RORA: variants seen among roughly 807,000 people sequenced by gnomAD.
RORA encodes nuclear receptor ROR-alpha.
RORA carries 7 observed loss-of-function variants against 69.5 expected under a neutral mutation model. The observed-to-expected ratio is 0.10, with a 90% confidence interval of 0.06 to 0.19. RORA has a LOEUF of 0.19. Among genes scored for constraint, RORA ranks in the 10% least tolerant of loss-of-function variants. The pLI, the probability that RORA is intolerant of heterozygous loss-of-function variation, is 1.00. For synonymous variants in RORA, 261 were observed against 240.8 expected (o/e 1.08, Z -0.78); for missense variants, 457 against 663.0 (o/e 0.69, Z 3.41).
At chr15:60,624,807 A>G (rs1354507809) in intron 2 of RORA, among the ~76,000 whole-genome samples, 2 of 152,078 alleles carry the variant, frequency 1.3e-5, no homozygotes, top group Non-Finnish European at 2.9e-5. Context: ...CCAAGGGAAC[A>G]ATGATTTAAT....
At position 60,511,292 on chromosome 15, in the gene RORA, C is replaced by T. The variant is rs1174401678; in HGVS notation, c.754G>A (p.Gly252Ser). The T allele has an allele frequency of 1.2e-6, 2 of 1,614,000 alleles. No individual in the cohort carries two copies. Among genetic ancestry groups the T allele is most frequent in the Non-Finnish European group, 8.5e-7 (1 of 1,180,036 alleles). ...EPICDYTPAS[G>S]FFPYCSFTNG... ...GTGAACGAACAGTAGGGAAAGAAGC[C>T]TGATGCTGGTGTGTAGTCACATATT... The change falls in exon 5 of 11, where the codon GGC becomes AGC. Residue 252 changes from glycine to serine, a missense_variant. By Grantham distance (56) the Gly-to-Ser change is moderately conservative (BLOSUM62 0). Around this residue, in one of 3 missense-constraint regions of RORA, gnomAD observed 304 missense variants for 447.4 expected, o/e 0.68. Transcript: ENST00000335670. The surrounding 1 kb of genome is among the most constrained non-coding windows in gnomAD (Gnocchi z 6.4).
At chr15:60,776,101 C>T (rs2140333610) in intron 1 of RORA, among the ~76,000 whole-genome samples, 1 of 152,308 alleles carries the variant, frequency 6.6e-6, no homozygotes, top group South Asian at 2.1e-4. Flanking sequence ...AGGTATTTTG[C>T]TGGCTCGGCT....
chr15:60,509,125 C>T (rs2065609375), intron 5 of RORA, among the ~76,000 whole-genome samples: 1 of 152,102 alleles, frequency 6.6e-6, no homozygotes, highest in African/African-American at 2.4e-5. Flanking sequence ...AGGCTTTAAG[C>T]CCCAAAAGAA....
intron 1 of RORA, among the ~76,000 whole-genome samples, chr15:60,753,549 C>T (rs2071757368): frequency 6.6e-6 from 1 of 152,230 alleles, no homozygotes; most frequent in Non-Finnish European, 1.5e-5. Context: ...ATTTCACAAC[C>T]ACCATGCATG....
chr15:60,756,987 T>C (rs1236861671), intron 1 of RORA, among the ~76,000 whole-genome samples: 2 of 152,228 alleles, frequency 1.3e-5, no homozygotes, highest in Admixed American at 6.5e-5. Context: ...ATTCAATTAA[T>C]TTTGTAATAA....
intron 1 of RORA, among the ~76,000 whole-genome samples, chr15:61,064,746 T>G (rs1379073359): frequency 6.6e-6 from 1 of 152,110 alleles, no homozygotes; most frequent in Non-Finnish European, 1.5e-5. Flanking sequence ...CCCCCAGTCA[T>G]TGGGAAGCAT....
intron 1 of RORA, among the ~76,000 whole-genome samples, chr15:60,973,109 G>A (rs1025194288): frequency 6.6e-6 from 1 of 152,112 alleles, no homozygotes; most frequent in African/African-American, 2.4e-5. Context: ...GGCATGGGGA[G>A]GACACGCATT....
chr15:60,655,481 G>A (rs2070207293), intron 2 of RORA, among the ~76,000 whole-genome samples: 1 of 152,156 alleles, frequency 6.6e-6, no homozygotes, highest in Non-Finnish European at 1.5e-5. Flanking sequence ...AAGCTCCAGG[G>A]GGACAAGCAG....
intron 1 of RORA, among the ~76,000 whole-genome samples, chr15:61,076,259 G>T (rs1197352688): frequency 6.6e-6 from 1 of 152,202 alleles, no homozygotes; most frequent in African/African-American, 2.4e-5. Flanking sequence ...ATTCCCAGGT[G>T]ATGCTGACGC....
intron 1 of RORA, among the ~76,000 whole-genome samples, chr15:60,796,992 ATTAT>A (rs1267603704): frequency 2.0e-5 from 3 of 148,690 alleles, no homozygotes; most frequent in African/African-American, 4.9e-5. Flanking sequence ...TAGGTTTATC[ATTAT>A]TTATGTCTAA....
At position 60,979,112 on chromosome 15, in the gene RORA, C is replaced by A. The variant is rs529041570; in HGVS notation, c.166+249941G>T. On this transcript the variant is annotated intron_variant, in intron 1 of 10. Transcript: ENST00000335670. ...GAGTAGCTGGGACTACAGGCACCCACCACCATGCCTGGCTAATTTTTTTTT... is the reference window on the plus strand; with the variant it reads ...GAGTAGCTGGGACTACAGGCACCCAACACCATGCCTGGCTAATTTTTTTTT... 7.9e-5 allele frequency among the ~76,000 whole-genome samples: 12 copies of A among 151,778 alleles called. No individual in the cohort carries two copies. The East Asian group carries it at 2.3e-3, about 29-fold the overall frequency.
At position 61,229,256 on chromosome 15, in the gene RORA, C is replaced by T. The variant is rs2080179668; in HGVS notation, c.-38G>A. The stretch of plus-strand genomic sequence containing the variant: ...TGTAGAGATCGCTGGAGATGGCGAG[C>T]TCCGAGACTCCCTCTATCTTCTGTT... On this transcript the variant is annotated 5_prime_UTR_variant, in exon 1 of 11. Transcript: ENST00000335670. 1.7e-6 allele frequency: 2 copies of T among 1,177,830 alleles called. No individual in the cohort carries two copies. The highest frequency in any genetic ancestry group is 1.9e-5 in the African/African-American group (1 of 53,688). The allele number at this position is 1,177,830 out of a possible 1,614,324, so 73.0% of individuals were successfully genotyped here.
intron 1 of RORA, among the ~76,000 whole-genome samples, chr15:60,890,498 T>C (rs890049376): frequency 6.6e-6 from 1 of 152,202 alleles, no homozygotes; most frequent in Non-Finnish European, 1.5e-5. Context: ...ACATAAGCCA[T>C]GGAGGATGAC....
At chr15:60,515,646 C>T (rs1227523518) in intron 3 of RORA, among the ~76,000 whole-genome samples, 3 of 151,194 alleles carry the variant, frequency 2.0e-5, no homozygotes, top group East Asian at 3.9e-4. Flanking sequence ...TATTTTCATT[C>T]TCATTCAGTG....
intron 1 of RORA, among the ~76,000 whole-genome samples, chr15:60,751,938 G>C (rs1370378601): frequency 6.6e-6 from 1 of 152,158 alleles, no homozygotes; most frequent in African/African-American, 2.4e-5. Flanking sequence ...AAGCAGAAGA[G>C]TTTGGGAAGA....
At chr15:61,169,960 C>T (rs2079571298) in intron 1 of RORA, among the ~76,000 whole-genome samples, 1 of 152,172 alleles carries the variant, frequency 6.6e-6, no homozygotes, top group South Asian at 2.1e-4. Flanking sequence ...AGGACACCTA[C>T]TCCCAGAGGC....
At chr15:61,042,294 C>T (rs549167929) in intron 1 of RORA, among the ~76,000 whole-genome samples, 102 of 152,252 alleles carry the variant, frequency 6.7e-4, no homozygotes, top group African/African-American at 2.3e-3. Flanking sequence ...AAGGTGCTAT[C>T]AATAATTATC....
chr15:61,205,403 G>A (rs1223810969), intron 1 of RORA, among the ~76,000 whole-genome samples: 3 of 152,148 alleles, frequency 2.0e-5, no homozygotes, highest in African/African-American at 7.2e-5. Flanking sequence ...CACAGCACAC[G>A]CCTCTGCCAA....
At chr15:60,645,811 TTAA>T (rs778181428) in intron 2 of RORA, among the ~76,000 whole-genome samples, 1 of 139,820 alleles carries the variant, frequency 7.2e-6, no homozygotes, top group Non-Finnish European at 1.5e-5. Flanking sequence ...TTTTTTTTTT[TTAA>T]AAAATTAAGG....
Sources: allele counts gnomAD v4.1 joint callset (sites outside exome capture counted in the v4.1 genomes callset), GRCh38; gene constraint gnomAD v4.1.1; regional missense constraint gnomAD v4.1.1; non-coding constraint Gnocchi (gnomAD v3.1); transcripts MANE v1.5; gene names NCBI Gene and HGNC (gene_info 2026-07-23, HGNC 2026-07-21).